The following INTS8 variants were observed in gnomAD, a reference collection of about 807,000 sequenced individuals.
INTS8 encodes integrator complex subunit 8.
A neutral mutation model predicts 138.9 loss-of-function variants in INTS8; 47 were observed. The ratio of observed to expected loss-of-function variants is 0.34; its 90% CI spans 0.27 to 0.43. The LOEUF is 0.43. Ranked by LOEUF, INTS8 falls within the 20% of genes least tolerant of loss-of-function variation. The pLI, the probability that INTS8 is intolerant of heterozygous loss-of-function variation, is 1.00. For missense variants in INTS8, 996 were observed against 1,173.0 expected, an observed-to-expected ratio of 0.85 and a Z score of 2.20; for synonymous variants, 392 against 400.9, an observed-to-expected ratio of 0.98 and a Z score of 0.27.
At position 94,849,519 on chromosome 8, in the gene INTS8, G is replaced by A; in HGVS notation, c.1318G>A (p.Ala440Thr). 7 of 1,554,386 alleles carry A rather than the reference G, an allele frequency of 4.5e-6. No homozygotes were observed. Among genetic ancestry groups the A allele is most frequent in the Non-Finnish European group, 6.1e-6 (7 of 1,141,598 alleles). ...TTCAGAGTCTTTGAAAGGAAACATG[G>A]CTGCTTTTCTAAAGTAAGTACCTTT... ...KASESLKGNMAAFLKNVCLGL... is the reference protein window; with the variant it reads ...KASESLKGNMTAFLKNVCLGL... Residue 440 changes from alanine to threonine, a missense_variant, in exon 11 of 27, where the codon GCT becomes ACT. Transcript: ENST00000523731.
At chr8:94,878,065 T>C (rs1324873606) in intron 26 of INTS8, among the ~76,000 whole-genome samples, 3 of 152,188 alleles carry the variant, frequency 2.0e-5, no homozygotes, top group Non-Finnish European at 4.4e-5. Flanking sequence ...TCAATATTTT[T>C]AGCGTCTTCC....
At chr8:94,857,027 A>G (rs768414178) in intron 15 of INTS8, 49 bp downstream of exon 15, 14 of 1,301,940 alleles carry the variant, frequency 1.1e-5, no homozygotes, top group Non-Finnish European at 1.4e-5. Flanking sequence ...TACTCACATA[A>G]TTGTGGGGGA....
chr8:94,842,165 T>A (rs1815160273), intron 9 of INTS8, among the ~76,000 whole-genome samples, 182 bp from the exon 10 acceptor site: 1 of 152,150 alleles, frequency 6.6e-6, no homozygotes, highest in African/African-American at 2.4e-5. Flanking sequence ...CCTTGATAAA[T>A]TCAAAACCTA....
chr8:94,843,042 A>G (rs1815193278), intron 10 of INTS8, among the ~76,000 whole-genome samples: 1 of 152,028 alleles, frequency 6.6e-6, no homozygotes, highest in African/African-American at 2.4e-5. Flanking sequence ...AACCTCCTCT[A>G]CCTTCCCTTG....
chr8:94,865,157 T>C (rs1023661917), intron 16 of INTS8, among the ~76,000 whole-genome samples: 8 of 152,170 alleles, frequency 5.3e-5, no homozygotes, highest in African/African-American at 1.4e-4. Flanking sequence ...CACTTTTTTT[T>C]CCCTATGTAA....
At chr8:94,848,770 C>T (rs1368975214) in intron 10 of INTS8, among the ~76,000 whole-genome samples, 1 of 152,116 alleles carries the variant, frequency 6.6e-6, no homozygotes, top group African/African-American at 2.4e-5. Flanking sequence ...CTACTATGAA[C>T]ATTCTATTTT....
chr8:94,841,743 CT>C (rs2131015336), intron 9 of INTS8, 152 bp downstream of exon 9: 2 of 543,898 alleles, frequency 3.7e-6, no homozygotes, highest in Non-Finnish European at 6.5e-6. Flanking sequence ...TGGAGGAACA[CT>C]CTGGTGTTCC....
At chr8:94,843,405 A>C (rs900914240) in intron 10 of INTS8, among the ~76,000 whole-genome samples, 5 of 152,246 alleles carry the variant, frequency 3.3e-5, no homozygotes, top group Non-Finnish European at 7.4e-5. Context: ...GTCTCTACTA[A>C]AAATACAAAA....
chr8:94,844,457 C>T (rs1185641952), intron 10 of INTS8, among the ~76,000 whole-genome samples: 1 of 152,148 alleles, frequency 6.6e-6, no homozygotes, highest in Admixed American at 6.5e-5. Context: ...GCTGGGATTA[C>T]AGGTGCCCAC....
At chr8:94,824,489 G>A (rs1415133911) in intron 1 of INTS8, among the ~76,000 whole-genome samples, 2 of 152,164 alleles carry the variant, frequency 1.3e-5, no homozygotes, top group Non-Finnish European at 2.9e-5. Context: ...CAGGTACGGA[G>A]AGGTCACTTG....
chr8:94,831,917 A>G (rs1483088164), intron 5 of INTS8, 75 bp from the exon 6 acceptor site: 4 of 1,217,546 alleles, frequency 3.3e-6, no homozygotes, highest in Non-Finnish European at 4.5e-6. Flanking sequence ...GAGTTACTAA[A>G]TAGACTGTAA....
At chr8:94,870,623 A>G (rs1422405584) in intron 20 of INTS8, among the ~76,000 whole-genome samples, 1 of 152,204 alleles carries the variant, frequency 6.6e-6, no homozygotes, top group East Asian at 1.9e-4. Context: ...AATGTCTGTA[A>G]AATTGTAAGC....
At chr8:94,839,216 G>C (rs1341579827) in intron 8 of INTS8, among the ~76,000 whole-genome samples, 1 of 152,130 alleles carries the variant, frequency 6.6e-6, no homozygotes, top group Non-Finnish European at 1.5e-5. Flanking sequence ...ATCTTGATTT[G>C]GTTCATGAAA....
chr8:94,825,373 A>C (rs112444741), intron 2 of INTS8, among the ~76,000 whole-genome samples: 2,864 of 151,978 alleles, frequency 0.019, 40 homozygotes, highest in Non-Finnish European at 0.031. Flanking sequence ...CTGAGGTTGC[A>C]GTGAGCCGAG....
In INTS8 at chr8:94,853,797, T is replaced by TTAA. The variant is rs781179826; in HGVS notation, c.1642-8_1642-7insTAA. 2 of 1,533,696 alleles carry TTAA rather than the reference T, an allele frequency of 1.3e-6. No homozygotes were observed. Among genetic ancestry groups the TTAA allele is most frequent in the Non-Finnish European group, 1.8e-6 (2 of 1,107,206 alleles). On this transcript the variant is annotated splice_region_variant and splice_polypyrimidine_tract_variant and intron_variant, in intron 13 of 26. Coordinates refer to ENST00000523731, the MANE Select transcript of INTS8 (RefSeq NM_017864.4). ...TGCATATATATATGTATTTTTTGTT[T>TTAA]CTTTTAGTGGGAAGTACCTTCTGTC...
Position 94,856,219 on chromosome 8 carries a change from G to A in INTS8, c.1753-558G>A, listed in dbSNP as rs112763200. Among the ~76,000 whole-genome samples the A allele has an allele frequency of 4.8e-3, 726 of 152,342 alleles. 8 individuals are homozygous for A. The highest frequency in any genetic ancestry group is 0.017 in the African/African-American group (689 of 41,580). ...GACAATTAAAAGATCTTTGGCTTGT[G>A]AGAGTTACTTCTTTGTAATGATGGG... On this transcript the variant is annotated intron_variant, in intron 14 of 26. Coordinates refer to ENST00000523731, the MANE Select transcript of INTS8 (RefSeq NM_017864.4).
In INTS8 at chr8:94,881,703, A is replaced by G. The variant is rs753412181; in HGVS notation, c.*1469A>G. On this transcript the variant is annotated 3_prime_UTR_variant, in exon 27 of 27. Transcript: ENST00000523731. ...ATGCCTCCATTGCACACTGGTGACA[A>G]CTGTCCCCCTTTTCTGAAGGTGTTT... 6.2e-6 allele frequency: 10 copies of G among 1,613,612 alleles called. No individual in the cohort carries two copies. The highest frequency in any genetic ancestry group is 4.5e-5 in the East Asian group (2 of 44,874).
intron 20 of INTS8, among the ~76,000 whole-genome samples, chr8:94,870,631 A>G (rs1172106172): frequency 2.0e-5 from 3 of 152,222 alleles, no homozygotes; most frequent in African/African-American, 4.8e-5. Context: ...TAAAATTGTA[A>G]GCCAATCTAA....
chr8:94,827,826 T>C lies in INTS8; in HGVS notation c.518+33T>C, dbSNP rs1275607952. On this transcript the variant is annotated intron_variant, in intron 4 of 26. Coordinates refer to ENST00000523731, the MANE Select transcript of INTS8 (RefSeq NM_017864.4). Reference sequence around the variant, plus strand: ...GGTGGCTATGACCTTTACTTGGCACTTTTTTCATTGGAGTTTTAAAAATGT... The same window carrying C: ...GGTGGCTATGACCTTTACTTGGCACCTTTTTCATTGGAGTTTTAAAAATGT... 7.2e-6 allele frequency: 11 copies of C among 1,519,594 alleles called. 1 individual carries two copies. In the South Asian group the frequency reaches 1.0e-4, roughly 14 times the overall value. The allele number at this position is 1,519,594 out of a possible 1,614,324, so 94.1% of individuals were successfully genotyped here. A position where few individuals can be genotyped will look rare whatever the true frequency, so the allele number is the denominator to read the frequency against.
Sources: allele counts gnomAD v4.1 joint callset (sites outside exome capture counted in the v4.1 genomes callset), GRCh38; gene constraint gnomAD v4.1.1; transcripts MANE v1.5; gene names NCBI Gene and HGNC (gene_info 2026-07-23, HGNC 2026-07-21).